Variants in PIP5K1C observed in about 807,000 individuals in gnomAD.
The protein encoded by PIP5K1C is phosphatidylinositol 4-phosphate 5-kinase type-1 gamma.
Under a neutral mutation model 80.1 loss-of-function variants are expected in PIP5K1C, and 45 were observed. The observed-to-expected ratio is 0.56, with a 90% CI of 0.44 to 0.72. The LOEUF (loss-of-function observed/expected upper bound fraction) is 0.72. PIP5K1C is among the 30% of genes least tolerant of loss of function. The pLI is 0.00. For missense variants in PIP5K1C, 753 were observed against 954.6 expected, an observed-to-expected ratio of 0.79 and a Z score of 2.78; for synonymous variants, 498 against 420.1, an observed-to-expected ratio of 1.19 and a Z score of -2.27.
intron 1 of PIP5K1C, among the ~76,000 whole-genome samples, chr19:3,679,577 G>A (rs113642705): frequency 1.6e-4 from 24 of 152,314 alleles, no homozygotes; most frequent in Admixed American, 6.5e-4. Flanking sequence ...CAGTAGGGGC[G>A]CAGCAGCACC....
intron 1 of PIP5K1C, among the ~76,000 whole-genome samples, chr19:3,687,163 A>G (rs2035785334): frequency 1.3e-5 from 2 of 152,208 alleles, no homozygotes; most frequent in Non-Finnish European, 2.9e-5. Flanking sequence ...ACTGCACTCC[A>G]GCCTGGGTGA....
intron 1 of PIP5K1C, among the ~76,000 whole-genome samples, chr19:3,676,838 C>T (rs777310852): frequency 3.9e-5 from 6 of 152,152 alleles, no homozygotes; most frequent in Non-Finnish European, 7.3e-5. Flanking sequence ...TAAGACCAGG[C>T]GAGGTGGCTC....
At chr19:3,680,006 G>T (rs970483383) in intron 1 of PIP5K1C, among the ~76,000 whole-genome samples, 1 of 152,216 alleles carries the variant, frequency 6.6e-6, no homozygotes, top group Non-Finnish European at 1.5e-5. Flanking sequence ...CTCTGGCCCT[G>T]TGAGAACACC....
intron 1 of PIP5K1C, among the ~76,000 whole-genome samples, chr19:3,678,153 T>TGGAG: frequency 1.2e-5 from 1 of 80,064 alleles, no homozygotes; most frequent in Non-Finnish European, 2.4e-5. Context: ...GGATAGAAAA[T>TGGAG]GGAGGGATGG....
intron 3 of PIP5K1C, among the ~76,000 whole-genome samples, chr19:3,663,512 G>A (rs1274266613): frequency 1.3e-5 from 2 of 152,202 alleles, no homozygotes; most frequent in African/African-American, 2.4e-5. Context: ...ATGCCACTGG[G>A]CACCAAGGGA....
Position 3,632,931 on chromosome 19 carries a change from G to C in PIP5K1C, c.*236C>G, listed in dbSNP as rs747835940. 9 of 526,406 alleles carry C rather than the reference G, an allele frequency of 1.7e-5. 1 individual carries two copies. The highest frequency in any genetic ancestry group is 2.7e-5 in the Non-Finnish European group (8 of 298,190). 32.6% of individuals were successfully genotyped at this position (526,406 alleles called of 1,614,324 possible). The stretch of plus-strand genomic sequence containing the variant: ...GCCAAATAAGGACTCAAATGCGATT[G>C]GCCGCTCGGGAGGGTGGGTCTCACA... On this transcript the variant is annotated 3_prime_UTR_variant, in exon 18 of 18. Transcript: ENST00000335312.
At chr19:3,699,125 G>C (rs555858195) in intron 1 of PIP5K1C, among the ~76,000 whole-genome samples, 154 of 152,200 alleles carry the variant, frequency 1.0e-3, no homozygotes, top group African/African-American at 3.5e-3. Flanking sequence ...GCTGACAGCG[G>C]AAGTTGGGGG....
intron 3 of PIP5K1C, among the ~76,000 whole-genome samples, chr19:3,664,015 C>T (rs976159595): frequency 3.3e-5 from 5 of 152,228 alleles, no homozygotes; most frequent in African/African-American, 7.2e-5. Flanking sequence ...GGGCGCCCCA[C>T]GCACCAGAAC....
chr19:3,697,863 C>G (rs186825481), intron 1 of PIP5K1C, among the ~76,000 whole-genome samples: 1,894 of 152,354 alleles, frequency 0.012, 10 homozygotes, highest in Non-Finnish European at 0.02. Flanking sequence ...CCGGCCTTCC[C>G]GAGACCGCCC....
intron 10 of PIP5K1C, among the ~76,000 whole-genome samples, chr19:3,646,842 C>T (rs935445939): frequency 2.0e-5 from 3 of 151,950 alleles, no homozygotes; most frequent in East Asian, 1.9e-4. Context: ...TGGCCCCAGG[C>T]GGTACTCTGC....
At chr19:3,678,266 AATGGAGAATGGAGGGGT>A (rs2035454766) in intron 1 of PIP5K1C, among the ~76,000 whole-genome samples, 1 of 49,436 alleles carries the variant, frequency 2.0e-5, no homozygotes, top group Admixed American at 1.9e-4. Context: ...GGGGTGGAGG[AATGGAGAATGGAGGGGT>A]GGAGGGATGG....
intron 1 of PIP5K1C, among the ~76,000 whole-genome samples, chr19:3,667,856 C>T (rs1469335413): frequency 2.6e-5 from 4 of 152,146 alleles, no homozygotes; most frequent in Non-Finnish European, 5.9e-5. Context: ...CAGGTGCCAG[C>T]GTGGGGAGTG....
intron 16 of PIP5K1C, among the ~76,000 whole-genome samples, chr19:3,634,175 G>A (rs956074261): frequency 6.6e-6 from 1 of 151,870 alleles, no homozygotes; most frequent in African/African-American, 2.4e-5. Context: ...CGTGTGCAGG[G>A]ACACGGACAG....
At chr19:3,695,277 G>A (rs1007635438) in intron 1 of PIP5K1C, among the ~76,000 whole-genome samples, 1 of 152,200 alleles carries the variant, frequency 6.6e-6, no homozygotes, top group Non-Finnish European at 1.5e-5. Flanking sequence ...CTCCCATGGC[G>A]GACCCCAGCG....
chr19:3,635,762 G>A (rs951400331), intron 16 of PIP5K1C, among the ~76,000 whole-genome samples: 17 of 152,100 alleles, frequency 1.1e-4, no homozygotes, highest in African/African-American at 3.9e-4. Flanking sequence ...GGCAGATCAC[G>A]AGGTCAGGAG....
chr19:3,691,669 C>T (rs1311449116), intron 1 of PIP5K1C, among the ~76,000 whole-genome samples: 6 of 152,022 alleles, frequency 3.9e-5, no homozygotes, highest in Admixed American at 3.9e-4. Flanking sequence ...CAGTCACCTC[C>T]TGCTCTCTTG....
At chr19:3,676,493 A>AG (rs1297117081) in intron 1 of PIP5K1C, among the ~76,000 whole-genome samples, 1 of 152,164 alleles carries the variant, frequency 6.6e-6, no homozygotes, top group Non-Finnish European at 1.5e-5. Flanking sequence ...TAGAAATAAA[A>AG]GGCTGCACCA....
intron 1 of PIP5K1C, among the ~76,000 whole-genome samples, chr19:3,683,422 C>A (rs1205056840): frequency 3.3e-5 from 5 of 152,202 alleles, no homozygotes; most frequent in Admixed American, 3.3e-4. Flanking sequence ...CACCCTGGAA[C>A]AGCTGGAGCG....
At chr19:3,655,353 G>A (rs935572827) in intron 6 of PIP5K1C, among the ~76,000 whole-genome samples, 20 of 152,128 alleles carry the variant, frequency 1.3e-4, no homozygotes, top group Non-Finnish European at 2.4e-4. Flanking sequence ...AGGAGGGGGA[G>A]GCTGCAGTGA....
Sources: gnomAD v4.1 joint callset for allele counts (sites outside exome capture counted in the v4.1 genomes callset) on GRCh38, gnomAD v4.1.1 for gene constraint, MANE v1.5 for transcripts, NCBI Gene and HGNC (gene_info 2026-07-23, HGNC 2026-07-21) for gene names.